PLXNB3: variants seen among roughly 807,000 people sequenced by gnomAD.
PLXNB3 encodes plexin B3.
In PLXNB3, 80 loss-of-function variants were observed where a neutral mutation model predicts 125.7. The ratio of observed to expected loss-of-function variants is 0.64; its 90% confidence interval spans 0.53 to 0.77. PLXNB3 has a LOEUF of 0.77. Among genes scored for constraint, PLXNB3 ranks in the 30% least tolerant of loss-of-function variants. The probability of loss-of-function intolerance (pLI) is 0.00; values close to 1 mark genes in which losing one functional copy is unlikely to be tolerated. For synonymous variants in PLXNB3, 954 were observed against 783.3 expected (o/e 1.22, Z -3.64); for missense variants, 1,836 against 1,729.3 (o/e 1.06, Z -1.09).
Position 153,773,716 on chromosome X carries a change from G to A in PLXNB3, c.3279+3G>A, listed in dbSNP as rs376102605. ...AGCTCGGTGGGGGGCTGCTGCAGGT[G>A]AGCCCCTCACCAGCAGGCGACAAGG... On this transcript the variant is annotated splice_donor_region_variant and intron_variant, in intron 19 of 35. Coordinates refer to ENST00000361971, the MANE Select transcript of PLXNB3 (RefSeq NM_005393.3). 1,016 of 1,164,002 alleles carry A rather than the reference G, an allele frequency of 8.7e-4. 13 individuals are homozygous for A. The South Asian group carries it at 0.019, about 22-fold the overall frequency.
chrX:153,767,919 T>TGGAAG lies in PLXNB3; in HGVS notation c.1086+8_1086+9insAAGGG. The TGGAAG allele has an allele frequency of 9.2e-7, 1 of 1,084,441 alleles. No individual in the cohort carries two copies. The highest frequency in any genetic ancestry group is 3.4e-5 in the East Asian group (1 of 29,429). 89.4% of individuals were successfully genotyped at this position (1,084,441 alleles called of 1,213,427 possible). On this transcript the variant is annotated splice_region_variant and intron_variant, in intron 3 of 35. Transcript: ENST00000361971. ...GCTGCGTCACCCTGCCCCTTGTGAGTGGCATGCCCTTCCATCCCCCCTCTC... is the reference window on the plus strand; with the variant it reads ...GCTGCGTCACCCTGCCCCTTGTGAGTGGAAGGGCATGCCCTTCCATCCCCCCTCTC...
rs1162912710 is a variant in PLXNB3, at chrX:153,770,113, C to T, written c.1651C>T (p.Leu551=). 8.3e-7 allele frequency: 1 copy of T among 1,211,295 alleles called. No homozygotes were observed. Among genetic ancestry groups the T allele is most frequent in the Non-Finnish European group, 1.1e-6 (1 of 895,347 alleles). The change falls in exon 8 of 36, where the codon CTG becomes TTG. Residue 551 remains leucine (L), a synonymous_variant. Transcript: ENST00000361971. ...QGQVTLSVPR[L]PILDADEYFH... is the part of the protein sequence containing the mutation. Reference sequence around the variant, plus strand: ...CCAGGTCACTTTGTCTGTCCCCCGGCTGCCCATCCTGGATGCAGATGAATA... The same window carrying T: ...CCAGGTCACTTTGTCTGTCCCCCGGTTGCCCATCCTGGATGCAGATGAATA...
At chrX:153,777,122 T>G (rs2092006133) in intron 29 of PLXNB3, 86 bp from the exon 30 acceptor site, 2 of 1,049,102 alleles carry the variant, frequency 1.9e-6, no homozygotes, top group South Asian at 2.3e-5. Flanking sequence ...GTCCCCACAC[T>G]GCCCCACCTT....
chrX:153,773,697 G>C lies in PLXNB3; in HGVS notation c.3263G>C (p.Gly1088Ala). The C allele has an allele frequency of 8.6e-7, 1 of 1,164,856 alleles. No individual in the cohort carries two copies. Among genetic ancestry groups the C allele is most frequent in the East Asian group, 3.0e-5 (1 of 33,142 alleles). The change falls in exon 19 of 36, where the codon GGT becomes GCT. Residue 1088 changes from glycine (G) to alanine (A), a missense_variant. By Grantham distance (60) the Gly-to-Ala change is moderately conservative. Transcript: ENST00000361971. ...AADPQACIQL[G>A]GGLLQCSTVC... ...GACCCCCAGGCTTGTATCCAGCTCG[G>C]TGGGGGGCTGCTGCAGGTGAGCCCC...
rs145843639 is a variant in PLXNB3, at chrX:153,778,947, C to T, written c.5638C>T (p.Leu1880=). 31 of 1,182,835 alleles carry T rather than the reference C, an allele frequency of 2.6e-5. No homozygotes were observed. The African/African-American group carries it at 4.7e-4, about 18-fold the overall frequency. ...HRYYDQIISA[L]EEDPVGQKLQ... ...TCTGCCCGGGCAGATTATCAGTGCCCTGGAGGAGGACCCTGTGGGCCAGAA... is the reference window on the plus strand; with the variant it reads ...TCTGCCCGGGCAGATTATCAGTGCCTTGGAGGAGGACCCTGTGGGCCAGAA... The change falls in exon 36 of 36, where the codon CTG becomes TTG. Residue 1880 remains leucine (L), a synonymous_variant. Coordinates refer to ENST00000361971, the MANE Select transcript of PLXNB3 (RefSeq NM_005393.3).
chrX:153,778,696 AG>A, intron 35 of PLXNB3, 22 bp downstream of exon 35: 1 of 1,179,449 alleles, frequency 8.5e-7, no homozygotes, highest in South Asian at 1.8e-5. Context: ...GGCACTCCGG[AG>A]GGGAGGCACA....
intron 1 of PLXNB3, among the ~76,000 whole-genome samples, chrX:153,765,056 G>T (rs1557058705): frequency 8.8e-6 from 1 of 113,205 alleles, no homozygotes. Flanking sequence ...CATTTGCAGG[G>T]GCTCCAAGGT....
At chrX:153,778,506 C>A in intron 34 of PLXNB3, 35 bp downstream of exon 34, 1 of 1,196,193 alleles carries the variant, frequency 8.4e-7, no homozygotes, top group Non-Finnish European at 1.1e-6. Flanking sequence ...CCTGTCCACA[C>A]GTGGGTGGAA....
intron 31 of PLXNB3, 112 bp from the exon 32 acceptor site, chrX:153,777,836 A>G (rs1274446048): frequency 9.2e-6 from 10 of 1,084,911 alleles, no homozygotes; most frequent in Non-Finnish European, 1.1e-5. Context: ...CCACCAGGCC[A>G]GCTTCCAGCG....
Position 153,770,342 on chromosome X carries a change from C to T in PLXNB3, c.1791C>T (p.His597=), listed in dbSNP as rs782084976. Residue 597 remains histidine (H), a synonymous_variant, in exon 9 of 36, where the codon CAC becomes CAT. Coordinates refer to ENST00000361971, the MANE Select transcript of PLXNB3 (RefSeq NM_005393.3). ...GCCCCCACTGTCCCCTCCCAGACCA[C>T]GTCACTGTGCCCCTGGCCCTGATGT... is the stretch of plus-strand genomic sequence containing the variant. ...QVPLNPPGTD[H]VTVPLALMFE... is the part of the protein sequence containing the mutation. The T allele has an allele frequency of 3.3e-6, 4 of 1,208,701 alleles. No individual in the cohort carries two copies. The highest frequency in any genetic ancestry group is 3.5e-5 in the South Asian group (2 of 56,819).
rs1557063302 is a variant in PLXNB3, at chrX:153,774,536, G to A, written c.3795G>A (p.Leu1265=). The change falls in exon 22 of 36, where the codon CTG becomes CTA. Residue 1265 remains leucine, a synonymous_variant. Transcript: ENST00000361971. The stretch of plus-strand genomic sequence containing the variant: ...GCGTGGGCATGGGTGCTGCAGTGCT[G>A]ATTGCCGCCGTGCTCCTCCTCACCC... The part of the protein sequence containing the change: ...QAGVGMGAAV[L]IAAVLLLTLM... 1 of 1,207,855 alleles carries A rather than the reference G, an allele frequency of 8.3e-7. No individual in the cohort carries two copies.
chrX:153,769,090 T>C lies in PLXNB3; in HGVS notation c.1395+14T>C. 2 of 1,207,084 alleles carry C rather than the reference T, an allele frequency of 1.7e-6. No homozygotes were observed. The highest frequency in any genetic ancestry group is 2.2e-6 in the Non-Finnish European group (2 of 892,320). On this transcript the variant is annotated intron_variant, in intron 5 of 35. Coordinates refer to ENST00000361971, the MANE Select transcript of PLXNB3 (RefSeq NM_005393.3). ...ACTGCCCACCAGGTGAGGGCCATCC[T>C]GGGGCTGAAGGGGCCAGCACACGCG...
chrX:153,778,358 G>A (rs886771924), intron 33 of PLXNB3, 33 bp downstream of exon 33: 1 of 1,206,427 alleles, frequency 8.3e-7, no homozygotes, highest in Non-Finnish European at 1.1e-6. Context: ...CTGCGGGGAA[G>A]GGGGCTGCCC....
chrX:153,772,123 G>GGGTGGAGAAGGTGCGCTTGGTAGCAGCT, intron 15 of PLXNB3, 59 bp from the exon 16 acceptor site: 2 of 1,138,429 alleles, frequency 1.8e-6, no homozygotes, highest in East Asian at 3.0e-5. Context: ...GTCAGGGGAG[G>GGGTGGAGAAGGTGCGCTTGGTAGCAGCT]GGTGGGCTGT....
intron 27 of PLXNB3, 37 bp from the exon 28 acceptor site, chrX:153,776,319 C>A (rs1557064198): frequency 1.8e-6 from 2 of 1,097,349 alleles, no homozygotes; most frequent in Non-Finnish European, 2.5e-6. Context: ...GCGTGGAGAG[C>A]AGGCTGTAGA....
chrX:153,770,240 C>T lies in PLXNB3; in HGVS notation c.1778C>T (p.Pro593Leu). Reference sequence around the variant, plus strand: ...CAAGACCAGGTGCCACTTAACCCTCCAGGCACAGGTGAGTGGCCCATGGGG... The same window carrying T: ...CAAGACCAGGTGCCACTTAACCCTCTAGGCACAGGTGAGTGGCCCATGGGG... The part of the protein sequence containing the change: ...PPQDQVPLNP[P>L]GTDHVTVPLA... Residue 593 changes from proline (P) to leucine (L), a missense_variant, in exon 8 of 36, where the codon CCA becomes CTA. Transcript: ENST00000361971. The T allele has an allele frequency of 7.4e-6, 9 of 1,210,792 alleles. No individual in the cohort carries two copies. Among genetic ancestry groups the T allele is most frequent in the Non-Finnish European group, 1.0e-5 (9 of 895,301 alleles).
rs1557059940 is a variant in PLXNB3 at position 153,767,876 on chromosome X, A to G, written c.1049A>G (p.Glu350Gly). Residue 350 changes from glutamate to glycine, a missense_variant, in exon 3 of 36, where the codon GAG becomes GGG. Physicochemically the swap from Glu to Gly is moderately conservative, Grantham distance 98 (BLOSUM62 -2). Transcript: ENST00000361971. Reference sequence around the variant, plus strand: ...AGCGGCGCAGAGGAAGCCACCGTGGAGTACGGCGTCACGTCGCGCTGCGTC... The same window carrying G: ...AGCGGCGCAGAGGAAGCCACCGTGGGGTACGGCGTCACGTCGCGCTGCGTC... ...GPSGAEEATV[E>G]YGVTSRCVTL... 3 of 1,112,516 alleles carry G rather than the reference A, an allele frequency of 2.7e-6. No individual in the cohort carries two copies. The highest frequency in any genetic ancestry group is 1.2e-6 in the Non-Finnish European group (1 of 848,782). 91.7% of individuals were successfully genotyped at this position (1,112,516 alleles called of 1,213,427 possible).
Position 153,779,000 on chromosome X carries a change from G to A in PLXNB3, c.5691G>A (p.Gln1897=), listed in dbSNP as rs1876826728. The change falls in exon 36 of 36, where the codon CAG becomes CAA. Residue 1897 remains glutamine, a synonymous_variant. Transcript: ENST00000361971. ...QKLQLACRLQ[Q]VAALVENKVT... ...TGCAGCTGGCCTGCCGCCTGCAGCA[G>A]GTCGCCGCCCTGGTGGAAAACAAAG... 8.4e-7 allele frequency: 1 copy of A among 1,197,244 alleles called. No individual in the cohort carries two copies. Among genetic ancestry groups the A allele is most frequent in the Non-Finnish European group, 1.1e-6 (1 of 888,599 alleles).
chrX:153,771,777 T>TGGGCTGGTTGGCTGGCC (rs1557061990), intron 14 of PLXNB3, 87 bp from the exon 15 acceptor site: 1 of 1,142,277 alleles, frequency 8.8e-7, no homozygotes, highest in African/African-American at 1.8e-5. Context: ...TCGGCCTGGC[T>TGGGCTGGTTGGCTGGCC]GGGCTGGTTG....
Sources: gnomAD v4.1 joint callset for allele counts (sites outside exome capture counted in the v4.1 genomes callset) on GRCh38, gnomAD v4.1.1 for gene constraint, MANE v1.5 for transcripts, NCBI Gene and HGNC (gene_info 2026-07-23, HGNC 2026-07-21) for gene names.